The following GARIN1A variants were observed in gnomAD, a reference collection of about 807,000 sequenced individuals.
GARIN1A encodes the protein Golgi-associated RAB2 interactor protein 1A.
chr7:128,689,802 G>C, the GARIN1A span, among the ~76,000 whole-genome samples: 1 of 127,240 alleles, frequency 7.9e-6, no homozygotes, highest in African/African-American at 2.9e-5. Flanking sequence ...GTCAGCCCCC[G>C]CCCAGCCAGC....
At chr7:128,681,865 C>T in the GARIN1A span, among the ~76,000 whole-genome samples, 1 of 147,664 alleles carries the variant, frequency 6.8e-6, no homozygotes, top group African/African-American at 2.5e-5. Flanking sequence ...ACCTCCCTTT[C>T]ATCTGGCCAC....
At chr7:128,709,024 T>C in the GARIN1A span, 3 of 152,098 alleles carry the variant, frequency 2.0e-5, no homozygotes, top group Non-Finnish European at 2.9e-5. Flanking sequence ...CATTTTCAGG[T>C]CATAGCCTTA....
At chr7:128,688,999 C>T in the GARIN1A span, among the ~76,000 whole-genome samples, 2 of 151,812 alleles carry the variant, frequency 1.3e-5, no homozygotes, top group African/African-American at 4.8e-5. Context: ...GACGGGGTTT[C>T]GCTGTGTTGG....
the GARIN1A span, among the ~76,000 whole-genome samples, chr7:128,704,800 G>A: frequency 6.6e-6 from 1 of 152,190 alleles, no homozygotes; most frequent in African/African-American, 2.4e-5. Flanking sequence ...CCTGCTGTGC[G>A]ACCCGGGTTC....
chr7:128,708,520 GTTTTTCTTGAATTGT>G, the GARIN1A span, among the ~76,000 whole-genome samples: 41 of 79,642 alleles, frequency 5.1e-4, 1 homozygote, highest in Admixed American at 3.4e-3. Context: ...ATTTCTGAAG[GTTTTTCTTGAATTGT>G]TTTCTTCTAC....
At chr7:128,699,833 T>C in the GARIN1A span, among the ~76,000 whole-genome samples, 1 of 152,258 alleles carries the variant, frequency 6.6e-6, no homozygotes, top group African/African-American at 2.4e-5. Context: ...TCTGTGATTA[T>C]TACTTTGTCC....
the GARIN1A span, among the ~76,000 whole-genome samples, chr7:128,676,403 C>T: frequency 6.6e-6 from 1 of 151,766 alleles, no homozygotes. Flanking sequence ...TTTTGAGAAT[C>T]TTGGCTTCCT....
At chr7:128,677,207 C>T in the GARIN1A span, among the ~76,000 whole-genome samples, 3 of 151,678 alleles carry the variant, frequency 2.0e-5, no homozygotes, top group Admixed American at 1.3e-4. Context: ...CCCACATGGT[C>T]GATTGAAACC....
chr7:128,701,904 G>A, the GARIN1A span, among the ~76,000 whole-genome samples: 2 of 152,246 alleles, frequency 1.3e-5, no homozygotes, highest in Admixed American at 6.5e-5. Context: ...AGGCTTTGAA[G>A]AGGAATTTAT....
At chr7:128,684,455 A>C in the GARIN1A span, 10 of 152,206 alleles carry the variant, frequency 6.6e-5, no homozygotes, top group African/African-American at 2.4e-4. Context: ...GTCTCTACCC[A>C]AAATACAAAA....
At chr7:128,702,155 T>C in the GARIN1A span, among the ~76,000 whole-genome samples, 41,315 of 151,666 alleles carry the variant, frequency 0.27, 5,962 homozygotes, top group East Asian at 0.54. Flanking sequence ...CTACAAGAAA[T>C]GTTAAAGAAT....
the GARIN1A span, among the ~76,000 whole-genome samples, chr7:128,702,600 A>C: frequency 6.6e-6 from 1 of 152,206 alleles, no homozygotes; most frequent in Non-Finnish European, 1.5e-5. Context: ...ATGATCAATA[A>C]CCCCCCCAAA....
chr7:128,681,766 G>A, the GARIN1A span, among the ~76,000 whole-genome samples: 1 of 151,912 alleles, frequency 6.6e-6, no homozygotes, highest in African/African-American at 2.4e-5. Context: ...ACCTCCTAAA[G>A]TGCTGGGATT....
At chr7:128,687,692 T>A in the GARIN1A span, 3 of 152,236 alleles carry the variant, frequency 2.0e-5, no homozygotes, top group Admixed American at 2.0e-4. Flanking sequence ...AACTGTCCTC[T>A]GTCTCTGGAG....
the GARIN1A span, among the ~76,000 whole-genome samples, chr7:128,699,238 G>A: frequency 2.0e-4 from 29 of 147,210 alleles, no homozygotes; most frequent in South Asian, 1.1e-3. Context: ...GTAATTTTGG[G>A]GCCTGTCTGT....
At chr7:128,698,345 C>T in the GARIN1A span, among the ~76,000 whole-genome samples, 1 of 152,138 alleles carries the variant, frequency 6.6e-6, no homozygotes, top group Non-Finnish European at 1.5e-5. Context: ...CTCTGCTCTT[C>T]CCACACCTTC....
chr7:128,673,121 C>G, the GARIN1A span, among the ~76,000 whole-genome samples: 1 of 152,142 alleles, frequency 6.6e-6, no homozygotes, highest in Admixed American at 6.6e-5. Context: ...CTCCCTCTAG[C>G]GGTCTAGCCT....
chr7:128,677,693 A>G, the GARIN1A span: 21 of 1,613,716 alleles, frequency 1.3e-5, no homozygotes, highest in South Asian at 2.2e-5. Context: ...TTGTGTTTCA[A>G]TTCTGGGTCC....
chr7:128,678,232 G>C, the GARIN1A span: 90 of 157,316 alleles, frequency 5.7e-4, no homozygotes, highest in Non-Finnish European at 1.0e-3. Flanking sequence ...TGTTGGCCAA[G>C]CTGGTCTTGA....
Sources: gnomAD v4.1 joint callset for allele counts (sites outside exome capture counted in the v4.1 genomes callset) on GRCh38, gnomAD v4.1.1 for gene constraint, MANE v1.5 for transcripts, NCBI Gene and HGNC (gene_info 2026-07-23, HGNC 2026-07-21) for gene names.